Variants in FSTL4 observed in about 807,000 individuals in gnomAD.
FSTL4 encodes follistatin like 4, also known as follistatin-related protein 4.
FSTL4 carries 28 observed loss-of-function variants against 78.2 expected under a neutral mutation model. The ratio of observed to expected loss-of-function variants is 0.36; its 90% CI spans 0.27 to 0.49. The LOEUF (loss-of-function observed/expected upper bound fraction) is 0.49, where lower values mean the gene tolerates loss of function less well. Among genes scored for constraint, FSTL4 ranks in the 20% least tolerant of loss-of-function variants. The pLI, the probability that FSTL4 is intolerant of heterozygous loss-of-function variation, is 0.98. For missense variants in FSTL4, 922 were observed against 1,084.9 expected (o/e 0.85, Z 2.11); for synonymous variants, 422 against 440.5 (o/e 0.96, Z 0.53).
chr5:133,674,283 C>T, the FSTL4 span, among the ~76,000 whole-genome samples: 2 of 152,140 alleles, frequency 1.3e-5, no homozygotes, highest in African/African-American at 2.4e-5. Context: ...TGTATGACAA[C>T]AATTTCCCCC....
At chr5:133,412,567 A>G (rs1756496896) in intron 3 of FSTL4, among the ~76,000 whole-genome samples, 1 of 152,188 alleles carries the variant, frequency 6.6e-6, no homozygotes. Flanking sequence ...ACAGAAAAGA[A>G]CACTTATCCA....
chr5:133,676,410 A>G, the FSTL4 span, among the ~76,000 whole-genome samples: 3 of 152,182 alleles, frequency 2.0e-5, no homozygotes, highest in Non-Finnish European at 2.9e-5. Flanking sequence ...TCATTCTCTT[A>G]AAGTGATCCT....
chr5:133,632,013 G>A, the FSTL4 span, among the ~76,000 whole-genome samples: 1 of 152,104 alleles, frequency 6.6e-6, no homozygotes, highest in African/African-American at 2.4e-5. Flanking sequence ...TGGGGGTTAG[G>A]GGAGGGATAC....
At chr5:133,294,527 TG>T (rs1753343512) in intron 6 of FSTL4, among the ~76,000 whole-genome samples, 1 of 152,210 alleles carries the variant, frequency 6.6e-6, no homozygotes, top group Non-Finnish European at 1.5e-5. Context: ...CCATTTCCTG[TG>T]TTGTAGCCTA....
chr5:133,625,681 T>C, the FSTL4 span, among the ~76,000 whole-genome samples: 1 of 134,416 alleles, frequency 7.4e-6, no homozygotes, highest in African/African-American at 2.8e-5. Context: ...GTCTTCATTT[T>C]CTAAGCTCTT....
intron 6 of FSTL4, among the ~76,000 whole-genome samples, chr5:133,258,367 G>T (rs921571898): frequency 6.6e-6 from 1 of 152,132 alleles, no homozygotes; most frequent in Non-Finnish European, 1.5e-5. Flanking sequence ...AGAGAAGATT[G>T]CCCTCCCCAA....
chr5:133,390,872 C>A (rs996744260), intron 4 of FSTL4, among the ~76,000 whole-genome samples: 3 of 152,102 alleles, frequency 2.0e-5, no homozygotes, highest in African/African-American at 4.8e-5. Flanking sequence ...TCCAGAAAAG[C>A]AGGCAGAGAG....
intron 2 of FSTL4, among the ~76,000 whole-genome samples, chr5:133,588,356 A>G: frequency 1.6e-5 from 1 of 62,496 alleles, no homozygotes; most frequent in African/African-American, 7.5e-5. Flanking sequence ...GCAACCTACA[A>G]CATGGGAGAA....
intron 6 of FSTL4, among the ~76,000 whole-genome samples, chr5:133,254,270 T>A (rs777752306): frequency 3.5e-4 from 54 of 152,194 alleles, no homozygotes; most frequent in Non-Finnish European, 1.5e-5. Context: ...GGCCCCACAC[T>A]CACATTGTTT....
the FSTL4 span, among the ~76,000 whole-genome samples, chr5:133,774,422 T>A: frequency 6.6e-6 from 1 of 152,174 alleles, no homozygotes; most frequent in South Asian, 2.1e-4. Context: ...AGGCTAAAGA[T>A]GCTGTAAACG....
At chr5:133,738,017 G>T in the FSTL4 span, among the ~76,000 whole-genome samples, 1 of 152,130 alleles carries the variant, frequency 6.6e-6, no homozygotes, top group African/African-American at 2.4e-5. Flanking sequence ...TGTTTCTCCG[G>T]GCTCAGGGTT....
the FSTL4 span, among the ~76,000 whole-genome samples, chr5:133,721,777 A>G: frequency 6.6e-4 from 100 of 152,302 alleles, 2 homozygotes; most frequent in African/African-American, 2.2e-3. Flanking sequence ...GGCTATATCT[A>G]TCTGGGAACC....
chr5:133,305,748 A>G (rs977643785), intron 6 of FSTL4, among the ~76,000 whole-genome samples: 1 of 151,946 alleles, frequency 6.6e-6, no homozygotes, highest in Non-Finnish European at 1.5e-5. Flanking sequence ...CTCATCTTTC[A>G]TGGTTCTCCT....
the FSTL4 span, among the ~76,000 whole-genome samples, chr5:133,806,529 C>G: frequency 6.6e-6 from 1 of 152,182 alleles, no homozygotes; most frequent in East Asian, 1.9e-4. Flanking sequence ...TCTTCTATCC[C>G]GCAGAAAGCT....
Position 133,225,539 on chromosome 5 carries a change from C to A in FSTL4, c.1177+119G>T. 1 of 991,912 alleles carries A rather than the reference C, an allele frequency of 1.0e-6. No homozygotes were observed. Among genetic ancestry groups the A allele is most frequent in the Non-Finnish European group, 1.5e-6 (1 of 659,514 alleles). The allele number at this position is 991,912 out of a possible 1,614,324, so 61.4% of individuals were successfully genotyped here. On this transcript the variant is annotated intron_variant, in intron 9 of 15. Coordinates refer to ENST00000265342, the MANE Select transcript of FSTL4 (RefSeq NM_015082.2). The surrounding 1 kb of genome is among the most constrained non-coding windows in gnomAD (Gnocchi z 4.6). ...GATAACAGGGAAATTTGGGAGCCATCTGTTCACTCCTAACCTGTCTGACTT... is the reference window on the plus strand; with the variant it reads ...GATAACAGGGAAATTTGGGAGCCATATGTTCACTCCTAACCTGTCTGACTT...
At chr5:133,237,241 A>G (rs989842100) in intron 7 of FSTL4, among the ~76,000 whole-genome samples, 7 of 151,788 alleles carry the variant, frequency 4.6e-5, no homozygotes, top group Non-Finnish European at 8.8e-5. Flanking sequence ...GCTCTTTTGC[A>G]CTCCTCAGGC....
chr5:133,496,699 C>T (rs1758373104), intron 3 of FSTL4, among the ~76,000 whole-genome samples: 1 of 152,156 alleles, frequency 6.6e-6, no homozygotes, highest in East Asian at 1.9e-4. Flanking sequence ...GTGATCCTGG[C>T]CTGCTCTTCC....
intron 3 of FSTL4, among the ~76,000 whole-genome samples, chr5:133,437,692 T>C (rs1757065119): frequency 6.6e-6 from 1 of 151,902 alleles, no homozygotes; most frequent in Non-Finnish European, 1.5e-5. Context: ...GGTTTCGCCA[T>C]ATTGGCCAGG....
rs1321813886 is a variant in FSTL4, at chr5:133,221,914, T to G, written c.1340-1048A>C. ...TAGTTTTTTTTTTTTTTTTTTTTTTTTTTTTTTTTTTTTAGCATGCTGAGA... is the reference window on the plus strand; with the variant it reads ...TAGTTTTTTTTTTTTTTTTTTTTTTGTTTTTTTTTTTTTAGCATGCTGAGA... On this transcript the variant is annotated intron_variant, in intron 11 of 15. Transcript: ENST00000265342. Among the ~76,000 whole-genome samples, 56 of 117,132 alleles carry G rather than the reference T, an allele frequency of 4.8e-4. 2 individuals carry two copies. The highest frequency in any genetic ancestry group is 2.1e-3 in the African/African-American group (46 of 22,016). The allele number at this position is 117,132 out of a possible 152,430, so 76.8% of individuals were successfully genotyped here. A position where few individuals can be genotyped will look rare whatever the true frequency, so the allele number is the denominator to read the frequency against.
Sources: allele counts gnomAD v4.1 joint callset (sites outside exome capture counted in the v4.1 genomes callset), GRCh38; gene constraint gnomAD v4.1.1; non-coding constraint Gnocchi (gnomAD v3.1); transcripts MANE v1.5; gene names NCBI Gene and HGNC (gene_info 2026-07-23, HGNC 2026-07-21).